Variants in FNDC3B observed in about 807,000 individuals in gnomAD.
FNDC3B encodes fibronectin type III domain containing 3B, also known as fibronectin type III domain-containing protein 3B.
FNDC3B carries 12 observed loss-of-function variants against 151.5 expected under a neutral mutation model. The ratio of observed to expected loss-of-function variants is 0.08; its 90% confidence interval spans 0.05 to 0.13. The LOEUF is 0.13. FNDC3B is among the 10% of genes least tolerant of loss of function. FNDC3B has a pLI of 1.00. For synonymous variants in FNDC3B, 528 were observed against 549.0 expected (o/e 0.96, Z 0.54); for missense variants, 1,214 against 1,505.3 (o/e 0.81, Z 3.20).
chr3:172,091,042 A>C (rs1718801123), intron 1 of FNDC3B, among the ~76,000 whole-genome samples: 1 of 152,210 alleles, frequency 6.6e-6, no homozygotes, highest in African/African-American at 2.4e-5. Flanking sequence ...CAGGTGAGGA[A>C]TACTGAACCT....
At chr3:172,348,838 G>A (rs535300597) in intron 21 of FNDC3B, among the ~76,000 whole-genome samples, 31 of 152,172 alleles carry the variant, frequency 2.0e-4, no homozygotes, top group Non-Finnish European at 3.4e-4. Context: ...CTACTTTTAA[G>A]ATTACCATTG....
chr3:172,262,605 TTTTTG>T (rs1454278955), intron 6 of FNDC3B, among the ~76,000 whole-genome samples: 2 of 152,030 alleles, frequency 1.3e-5, no homozygotes, highest in Non-Finnish European at 2.9e-5. Flanking sequence ...TTTTTTTTAT[TTTTTG>T]TTTTAAGTTA....
intron 1 of FNDC3B, among the ~76,000 whole-genome samples, chr3:172,063,206 C>A (rs1209139091): frequency 2.0e-5 from 3 of 151,984 alleles, no homozygotes; most frequent in Non-Finnish European, 4.4e-5. Flanking sequence ...GCATTTTTGT[C>A]TTTTTCTACA....
chr3:172,149,814 T>G (rs1044795032), intron 3 of FNDC3B, among the ~76,000 whole-genome samples: 4 of 108,902 alleles, frequency 3.7e-5, no homozygotes, highest in African/African-American at 1.9e-4. Flanking sequence ...GTGTTTTTTT[T>G]TTTTTTTTTT....
chr3:172,269,318 G>C (rs762099343), intron 6 of FNDC3B, among the ~76,000 whole-genome samples: 1 of 151,162 alleles, frequency 6.6e-6, no homozygotes, highest in Non-Finnish European at 1.5e-5. Flanking sequence ...ATATGCAGTC[G>C]CATGATCATA....
intron 7 of FNDC3B, among the ~76,000 whole-genome samples, chr3:172,290,226 T>C (rs1026288997): frequency 3.3e-5 from 5 of 152,242 alleles, no homozygotes; most frequent in African/African-American, 1.2e-4. Context: ...TGGATTCCAG[T>C]CATCTTTCTA....
At chr3:172,243,741 G>T (rs1382719698) in intron 4 of FNDC3B, among the ~76,000 whole-genome samples, 3 of 152,148 alleles carry the variant, frequency 2.0e-5, no homozygotes, top group Non-Finnish European at 4.4e-5. Context: ...CTCTTATATA[G>T]ATACTGTTGG....
intron 8 of FNDC3B, among the ~76,000 whole-genome samples, chr3:172,298,007 C>G (rs1296591186): frequency 6.6e-6 from 1 of 152,192 alleles, no homozygotes; most frequent in East Asian, 1.9e-4. Context: ...AGGAGCTAGT[C>G]TAGGGTCATA....
chr3:172,393,841 G>T (rs1736138361), intron 25 of FNDC3B, among the ~76,000 whole-genome samples: 1 of 152,064 alleles, frequency 6.6e-6, no homozygotes, highest in Non-Finnish European at 1.5e-5. Context: ...AGGCACAGTG[G>T]CTCACACCTG....
At chr3:172,298,039 C>A (rs916590854) in intron 8 of FNDC3B, among the ~76,000 whole-genome samples, 10 of 152,180 alleles carry the variant, frequency 6.6e-5, no homozygotes, top group Admixed American at 1.3e-4. Context: ...GTTGTCATGT[C>A]TCTTTAGCCT....
chr3:172,394,206 G>A (rs1470293040), intron 25 of FNDC3B, among the ~76,000 whole-genome samples: 2 of 142,756 alleles, frequency 1.4e-5, no homozygotes, highest in African/African-American at 2.6e-5. Flanking sequence ...AAGCAAGAGA[G>A]ATCCCAACGT....
chr3:172,305,079 A>G (rs1309813126), intron 9 of FNDC3B, among the ~76,000 whole-genome samples: 2 of 152,200 alleles, frequency 1.3e-5, no homozygotes, highest in Non-Finnish European at 2.9e-5. Context: ...GTAGTAGTTT[A>G]ATGAACTCTC....
chr3:172,296,750 A>G (rs957997224), intron 8 of FNDC3B, among the ~76,000 whole-genome samples: 2 of 152,224 alleles, frequency 1.3e-5, no homozygotes, highest in African/African-American at 4.8e-5. Context: ...TGACCCTTGA[A>G]CAACACAGGT....
chr3:172,171,370 A>G (rs1291000722), intron 3 of FNDC3B, among the ~76,000 whole-genome samples: 1 of 151,920 alleles, frequency 6.6e-6, no homozygotes, highest in African/African-American at 2.4e-5. Context: ...ATACCACTTC[A>G]TTTTCATTTT....
intron 3 of FNDC3B, among the ~76,000 whole-genome samples, chr3:172,195,509 A>C (rs2108680128): frequency 6.6e-6 from 1 of 152,372 alleles, no homozygotes; most frequent in African/African-American, 2.4e-5. Flanking sequence ...TTAAAGCTCC[A>C]CAACACACGT....
At chr3:172,053,625 A>T (rs540877825) in intron 1 of FNDC3B, among the ~76,000 whole-genome samples, 59 of 152,192 alleles carry the variant, frequency 3.9e-4, no homozygotes, top group Non-Finnish European at 6.9e-4. Flanking sequence ...TACAAAAATT[A>T]GCCAGGCGTG....
intron 24 of FNDC3B, among the ~76,000 whole-genome samples, chr3:172,379,768 G>A (rs6810022): frequency 0.047 from 7,137 of 151,994 alleles, 198 homozygotes; most frequent in Non-Finnish European, 0.057. Flanking sequence ...CCCACTTCAG[G>A]GGTCTTTCTA....
intron 2 of FNDC3B, among the ~76,000 whole-genome samples, chr3:172,131,986 T>C (rs1721129822): frequency 6.6e-6 from 1 of 152,210 alleles, no homozygotes; most frequent in African/African-American, 2.4e-5. Context: ...ATCCTTATCA[T>C]GCCTAGATTA....
intron 3 of FNDC3B, among the ~76,000 whole-genome samples, chr3:172,205,911 A>G (rs1480964097): frequency 3.3e-5 from 5 of 152,212 alleles, no homozygotes; most frequent in African/African-American, 9.6e-5. Flanking sequence ...CATTTTGTTC[A>G]GAACTTAATT....
Sources: gnomAD v4.1 joint callset for allele counts (sites outside exome capture counted in the v4.1 genomes callset) on GRCh38, gnomAD v4.1.1 for gene constraint, MANE v1.5 for transcripts, NCBI Gene and HGNC (gene_info 2026-07-23, HGNC 2026-07-21) for gene names.